The following LRP1B variants were observed in gnomAD, a reference collection of about 807,000 sequenced individuals.
The protein encoded by LRP1B is low-density lipoprotein receptor-related protein 1B.
In LRP1B, 217 loss-of-function variants were observed where a neutral mutation model predicts 556.6. The observed-to-expected ratio is 0.39, with a 90% CI of 0.35 to 0.44. LRP1B has a LOEUF of 0.44. Ranked by LOEUF, LRP1B falls within the 20% of genes least tolerant of loss-of-function variation. The pLI is 1.00. For missense variants in LRP1B, 5,053 were observed against 5,620.8 expected (o/e 0.90, Z 3.23); for synonymous variants, 2,047 against 1,865.8 (o/e 1.10, Z -2.50).
At chr2:141,169,629 T>G (rs1169513942) in intron 7 of LRP1B, among the ~76,000 whole-genome samples, 6 of 151,800 alleles carry the variant, frequency 4.0e-5, no homozygotes, top group African/African-American at 1.4e-4. Context: ...AAATCTGTCC[T>G]TTGTTAAAAC....
At position 140,851,750 on chromosome 2, in the gene LRP1B, C is replaced by T. The variant is rs2105121973; in HGVS notation, c.4613G>A (p.Gly1538Asp). The change falls in exon 28 of 91, where the codon GGC becomes GAC. Residue 1538 changes from glycine (G) to aspartate (D), a missense_variant. This residue lies in a region of LRP1B where 3,619 missense variants were observed against 3,931.9 expected (regional missense o/e 0.92). Coordinates refer to ENST00000389484, the MANE Select transcript of LRP1B (RefSeq NM_018557.3). ...PNPCAANDGK[G>D]PCSHMCLINH... ...GATTAGACACATGTGAGAGCAGGGGCCTTTGCCATCATTAGCTGCACAAGG... is the reference window on the plus strand; with the variant it reads ...GATTAGACACATGTGAGAGCAGGGGTCTTTGCCATCATTAGCTGCACAAGG... 1 of 1,606,152 alleles carries T rather than the reference C, an allele frequency of 6.2e-7. No homozygotes were observed. Among genetic ancestry groups the T allele is most frequent in the Non-Finnish European group, 8.5e-7 (1 of 1,177,526 alleles).
chr2:140,839,797 G>T (rs984681750), intron 31 of LRP1B, among the ~76,000 whole-genome samples, 194 bp downstream of exon 31: 2 of 152,064 alleles, frequency 1.3e-5, no homozygotes, highest in African/African-American at 4.8e-5. Flanking sequence ...TATCCTATTA[G>T]TTCTGTCCCT....
intron 66 of LRP1B, among the ~76,000 whole-genome samples, chr2:140,407,153 A>T (rs1416245684): frequency 2.0e-5 from 3 of 152,124 alleles, no homozygotes; most frequent in African/African-American, 7.2e-5. Context: ...AGAAGAATGA[A>T]ACTGGAACCC....
chr2:141,369,034 G>T (rs548526873), intron 3 of LRP1B, among the ~76,000 whole-genome samples: 1 of 152,184 alleles, frequency 6.6e-6, no homozygotes, highest in East Asian at 1.9e-4. Context: ...AATATAAAAA[G>T]CATTATGTTG....
At chr2:140,239,910 AC>A (rs1455061366) in intron 87 of LRP1B, among the ~76,000 whole-genome samples, 1 of 150,932 alleles carries the variant, frequency 6.6e-6, no homozygotes, top group African/African-American at 2.4e-5. Flanking sequence ...AGTTTCACTG[AC>A]CACATTCCCA....
At chr2:141,538,114 G>T (rs1373142886) in intron 2 of LRP1B, among the ~76,000 whole-genome samples, 1 of 152,016 alleles carries the variant, frequency 6.6e-6, no homozygotes, top group Non-Finnish European at 1.5e-5. Flanking sequence ...ACACATCTGT[G>T]CATATATGCG....
intron 1 of LRP1B, among the ~76,000 whole-genome samples, chr2:141,862,497 C>T (rs1698279893): frequency 6.6e-6 from 1 of 152,200 alleles, no homozygotes; most frequent in African/African-American, 2.4e-5. Flanking sequence ...GCAACCTCCG[C>T]CTCCCAGTTC....
intron 84 of LRP1B, among the ~76,000 whole-genome samples, chr2:140,275,398 CTTCA>C (rs1250437210): frequency 6.6e-6 from 1 of 151,962 alleles, no homozygotes; most frequent in Non-Finnish European, 1.5e-5. Flanking sequence ...AAGTTTGTCC[CTTCA>C]TTCAGTCTTG....
chr2:140,890,715 T>C (rs924526161), intron 23 of LRP1B, among the ~76,000 whole-genome samples: 6 of 152,072 alleles, frequency 3.9e-5, no homozygotes, highest in African/African-American at 9.6e-5. Flanking sequence ...AGATTATTAT[T>C]TCCCCTCTGA....
At chr2:140,358,218 G>A (rs1682324864) in intron 73 of LRP1B, 102 bp from the exon 74 acceptor site, 1 of 1,136,336 alleles carries the variant, frequency 8.8e-7, no homozygotes, top group Non-Finnish European at 1.2e-6. Flanking sequence ...TGAAAAACAT[G>A]GGTTTACAAT....
rs146249336 is a variant in LRP1B, at chr2:141,634,415, T to C, written c.206-153882A>G. ...GCAGCTAGAAGGGATTTTAGAATAT[T>C]GCCAAGTTCAAGCCCATTGTTTTGT... On this transcript the variant is annotated intron_variant, in intron 2 of 90. Transcript: ENST00000389484. Among the ~76,000 whole-genome samples the C allele has an allele frequency of 1.7e-3, 265 of 152,064 alleles. 1 individual carries two copies. Among genetic ancestry groups the C allele is most frequent in the African/African-American group, 6.2e-3 (258 of 41,550 alleles).
chr2:141,907,857 T>C (rs779979899), intron 1 of LRP1B, among the ~76,000 whole-genome samples: 3 of 151,958 alleles, frequency 2.0e-5, no homozygotes, highest in Non-Finnish European at 4.4e-5. Context: ...GATCCATAAA[T>C]GGCTTTCCTT....
chr2:140,467,211 T>C (rs548954007), intron 60 of LRP1B, among the ~76,000 whole-genome samples: 1 of 152,278 alleles, frequency 6.6e-6, no homozygotes, highest in South Asian at 2.1e-4. Context: ...TACTTTAACA[T>C]AGCAAACTCT....
At chr2:140,793,157 T>A (rs1390809256) in intron 32 of LRP1B, among the ~76,000 whole-genome samples, 2 of 152,030 alleles carry the variant, frequency 1.3e-5, no homozygotes, top group East Asian at 3.9e-4. Context: ...TTAAACTTTT[T>A]TTATTGTAGA....
At chr2:141,265,102 C>T (rs1264431343) in intron 3 of LRP1B, among the ~76,000 whole-genome samples, 1 of 152,148 alleles carries the variant, frequency 6.6e-6, no homozygotes, top group Non-Finnish European at 1.5e-5. Flanking sequence ...TCGAGACTCC[C>T]ATGTCCAGGA....
intron 10 of LRP1B, among the ~76,000 whole-genome samples, chr2:141,051,592 T>C (rs1485225792): frequency 6.6e-6 from 1 of 151,930 alleles, no homozygotes; most frequent in Non-Finnish European, 1.5e-5. Context: ...AGCAAAAATG[T>C]GAAGAATATT....
At chr2:141,290,842 A>T (rs1187818844) in intron 3 of LRP1B, among the ~76,000 whole-genome samples, 1 of 152,176 alleles carries the variant, frequency 6.6e-6, no homozygotes. Context: ...AGTTCACATA[A>T]GAATAACCTA....
rs115983997 is a variant in LRP1B at position 141,451,292 on chromosome 2, A to G, written c.343+29104T>C. Among the ~76,000 whole-genome samples the G allele has an allele frequency of 7.3e-3, 1,114 of 152,272 alleles. 17 individuals are homozygous for G. The highest frequency in any genetic ancestry group is 0.024 in the African/African-American group (991 of 41,570). ...CAAGTTCAATAATTTGTATCCATCC[A>G]ATGTTTTAAGTGTGTACTCTTAGTG... On this transcript the variant is annotated intron_variant, in intron 3 of 90. Coordinates refer to ENST00000389484, the MANE Select transcript of LRP1B (RefSeq NM_018557.3).
rs570878576 is a variant in LRP1B at position 141,716,581 on chromosome 2, G to A, written c.205+93698C>T. 1.6e-3 allele frequency among the ~76,000 whole-genome samples: 246 copies of A among 152,238 alleles called. 3 individuals carry two copies. The highest frequency in any genetic ancestry group is 2.7e-3 in the Non-Finnish European group (181 of 68,006). On this transcript the variant is annotated intron_variant, in intron 2 of 90. Coordinates refer to ENST00000389484, the MANE Select transcript of LRP1B (RefSeq NM_018557.3). The stretch of plus-strand genomic sequence containing the variant: ...AACCATTTAAGTAGCAAAGTTTTAA[G>A]TTGCAATTTAAGGTGATCAGCTCAC...
Sources: allele counts gnomAD v4.1 joint callset (sites outside exome capture counted in the v4.1 genomes callset), GRCh38; gene constraint gnomAD v4.1.1; regional missense constraint gnomAD v4.1.1; transcripts MANE v1.5; gene names NCBI Gene and HGNC (gene_info 2026-07-23, HGNC 2026-07-21).